PRKG1: variants seen among roughly 807,000 people sequenced by gnomAD.
PRKG1 encodes cGMP-dependent protein kinase 1.
In PRKG1, 35 loss-of-function variants were observed where a neutral mutation model predicts 88.1. The ratio of observed to expected loss-of-function variants is 0.40; its 90% CI spans 0.30 to 0.53. PRKG1 has a LOEUF of 0.53. Among genes scored for constraint, PRKG1 ranks in the 20% least tolerant of loss-of-function variants. PRKG1 has a pLI of 0.59. For missense variants in PRKG1, 540 were observed against 839.8 expected (o/e 0.64, Z 4.41); for synonymous variants, 303 against 292.5 (o/e 1.04, Z -0.37).
Position 50,991,477 on chromosome 10 carries a change from T to G in PRKG1, c.99T>G (p.Ile33Met), listed in dbSNP as rs766478650. The G allele has an allele frequency of 2.5e-6, 4 of 1,609,618 alleles. No homozygotes were observed. The Admixed American group carries it at 6.7e-5, about 27-fold the overall frequency. Residue 33 changes from isoleucine to methionine, a missense_variant, in exon 1 of 18, where the codon ATT (isoleucine) becomes ATG (methionine). Coordinates refer to the PRKG1 transcript ENST00000401604. The surrounding 1 kb of genome is among the most constrained non-coding windows in gnomAD (Gnocchi z 4.5). ...GGCTGTCAGAGAAGGAGGAAGAAAT[T>G]CAGGAGCTGAAGAGGAAACTCCACA...
intron 1 of PRKG1, among the ~76,000 whole-genome samples, chr10:51,076,670 T>C (rs1046343146): frequency 2.0e-5 from 3 of 152,200 alleles, no homozygotes; most frequent in Non-Finnish European, 4.4e-5. Flanking sequence ...CAGTAGGGAA[T>C]GAGCTATACA....
chr10:51,081,565 TG>T (rs1844111962), intron 1 of PRKG1, among the ~76,000 whole-genome samples: 1 of 152,196 alleles, frequency 6.6e-6, no homozygotes, highest in Non-Finnish European at 1.5e-5. Context: ...GAGGACTTGG[TG>T]GTGTTTGTGC....
intron 8 of PRKG1, among the ~76,000 whole-genome samples, chr10:52,142,569 A>G (rs1380951604): frequency 6.6e-6 from 1 of 152,204 alleles, no homozygotes. Context: ...CTCTCAATAT[A>G]TAGATCAATC....
intron 2 of PRKG1, among the ~76,000 whole-genome samples, chr10:51,308,265 C>G (rs1841090062): frequency 6.6e-6 from 1 of 152,138 alleles, no homozygotes; most frequent in Non-Finnish European, 1.5e-5. Context: ...TACAGAGGTG[C>G]TTAAAGTGTT....
chr10:51,324,125 T>G (rs575518396), intron 2 of PRKG1, among the ~76,000 whole-genome samples: 1 of 152,328 alleles, frequency 6.6e-6, no homozygotes, highest in African/African-American at 2.4e-5. Flanking sequence ...CTTCTAGCTA[T>G]TTTGAAATAT....
intron 4 of PRKG1, among the ~76,000 whole-genome samples, chr10:51,897,774 C>T (rs1359543464): frequency 6.6e-6 from 1 of 152,070 alleles, no homozygotes; most frequent in African/African-American, 2.4e-5. Context: ...CTGTCCAGCC[C>T]TCCATCCTCT....
At chr10:52,161,318 C>G (rs1354643933) in intron 8 of PRKG1, among the ~76,000 whole-genome samples, 1 of 151,972 alleles carries the variant, frequency 6.6e-6, no homozygotes, top group African/African-American at 2.4e-5. Flanking sequence ...TTCACTCTTC[C>G]AAAATGAGTT....
intron 1 of PRKG1, among the ~76,000 whole-genome samples, chr10:51,038,289 T>A (rs1252672950): frequency 6.6e-6 from 1 of 152,204 alleles, no homozygotes; most frequent in Non-Finnish European, 1.5e-5. Flanking sequence ...ATGGGGTCTC[T>A]ATTACCTCAA....
intron 3 of PRKG1, among the ~76,000 whole-genome samples, chr10:51,770,877 G>T (rs1589273488): frequency 6.6e-6 from 1 of 152,180 alleles, no homozygotes; most frequent in Non-Finnish European, 1.5e-5. Flanking sequence ...AATAACTAGA[G>T]TCATGTATTG....
chr10:52,092,174 G>C (rs1847072992), intron 7 of PRKG1, among the ~76,000 whole-genome samples: 1 of 152,106 alleles, frequency 6.6e-6, no homozygotes, highest in East Asian at 1.9e-4. Flanking sequence ...AATTTTACCT[G>C]TTAGGGAGGA....
chr10:52,149,802 C>T (rs1837850885), intron 8 of PRKG1, among the ~76,000 whole-genome samples: 2 of 150,112 alleles, frequency 1.3e-5, no homozygotes, highest in Admixed American at 1.3e-4. Context: ...CTTTTATACA[C>T]ATAATACAAT....
intron 7 of PRKG1, among the ~76,000 whole-genome samples, chr10:52,083,274 A>G (rs1846826532): frequency 6.6e-6 from 1 of 152,070 alleles, no homozygotes. Flanking sequence ...AGAAAATTAC[A>G]TTGAGCATGG....
intron 4 of PRKG1, among the ~76,000 whole-genome samples, chr10:51,891,431 A>C (rs1001960135): frequency 1.3e-5 from 2 of 152,214 alleles, no homozygotes; most frequent in African/African-American, 4.8e-5. Flanking sequence ...TTAACATCGA[A>C]TAAGAACTTT....
At chr10:51,284,883 T>TG (rs1840396974) in intron 2 of PRKG1, among the ~76,000 whole-genome samples, 1 of 148,938 alleles carries the variant, frequency 6.7e-6, no homozygotes, top group Non-Finnish European at 1.5e-5. Flanking sequence ...TTTTTTTTTT[T>TG]TTTTAAGCTA....
rs1303242716 is a variant in PRKG1 at position 51,412,222 on chromosome 10, A to T, written c.479-55501A>T. On this transcript the variant is annotated intron_variant, in intron 2 of 17. Transcript: ENST00000373980. ...GAGAGAGAGAGAGAGAGAAAGAAAGAGAGAAAGAATTGTTCAGAAAATTAT... is the reference window on the plus strand; with the variant it reads ...GAGAGAGAGAGAGAGAGAAAGAAAGTGAGAAAGAATTGTTCAGAAAATTAT... Among the ~76,000 whole-genome samples, 4 of 143,782 alleles carry T rather than the reference A, an allele frequency of 2.8e-5. No individual in the cohort carries two copies. In the South Asian group the frequency reaches 8.8e-4, roughly 31 times the overall value. The allele number at this position is 143,782 out of a possible 152,430, so 94.3% of individuals were successfully genotyped here. A position where few individuals can be genotyped will look rare whatever the true frequency, so the allele number is the denominator to read the frequency against.
intron 4 of PRKG1, among the ~76,000 whole-genome samples, chr10:51,842,592 G>A (rs754924263): frequency 9.2e-5 from 14 of 152,262 alleles, no homozygotes; most frequent in Non-Finnish European, 1.3e-4. Flanking sequence ...AAAGGACCAT[G>A]CTTTTCATGT....
chr10:51,250,137 C>A (rs899649630), intron 2 of PRKG1, among the ~76,000 whole-genome samples: 1 of 151,680 alleles, frequency 6.6e-6, no homozygotes, highest in Non-Finnish European at 1.5e-5. Flanking sequence ...CCCAACCTAC[C>A]CTAAACAGCC....
intron 2 of PRKG1, among the ~76,000 whole-genome samples, chr10:51,256,109 G>T (rs949490280): frequency 6.6e-6 from 1 of 152,012 alleles, no homozygotes; most frequent in African/African-American, 2.4e-5. Flanking sequence ...CCAATAGAGT[G>T]TCTTCAGTTG....
At chr10:51,944,595 G>A (rs2133037979) in intron 5 of PRKG1, among the ~76,000 whole-genome samples, 1 of 152,202 alleles carries the variant, frequency 6.6e-6, no homozygotes, top group African/African-American at 2.4e-5. Flanking sequence ...GGCATTTAGT[G>A]CTATAAATTT....
Sources: gnomAD v4.1 joint callset for allele counts (sites outside exome capture counted in the v4.1 genomes callset) on GRCh38, gnomAD v4.1.1 for gene constraint, Gnocchi (gnomAD v3.1) non-coding constraint, MANE v1.5 for transcripts, NCBI Gene and HGNC (gene_info 2026-07-23, HGNC 2026-07-21) for gene names.